CTNNA3: variants seen among roughly 807,000 people sequenced by gnomAD.
CTNNA3 encodes catenin alpha-3.
Under a neutral mutation model 95.7 loss-of-function variants are expected in CTNNA3, and 76 were observed. The ratio of observed to expected loss-of-function variants is 0.79; its 90% CI spans 0.66 to 0.96. The LOEUF (loss-of-function observed/expected upper bound fraction) is 0.96. CTNNA3 is among the 40% of genes least tolerant of loss of function. The pLI is 0.00. For synonymous variants in CTNNA3, 431 were observed against 374.4 expected, an observed-to-expected ratio of 1.15 and a Z score of -1.74; for missense variants, 1,191 against 1,089.8, an observed-to-expected ratio of 1.09 and a Z score of -1.31.
chr10:66,288,439 A>G (rs1038968800), intron 12 of CTNNA3, among the ~76,000 whole-genome samples: 1 of 152,098 alleles, frequency 6.6e-6, no homozygotes, highest in African/African-American at 2.4e-5. Flanking sequence ...GCAATAAATT[A>G]ATGAATGAAT....
chr10:67,170,572 A>G (rs1335249185), intron 7 of CTNNA3, among the ~76,000 whole-genome samples: 1 of 152,192 alleles, frequency 6.6e-6, no homozygotes, highest in African/African-American at 2.4e-5. Context: ...AATGACAAGA[A>G]CTTATAAACA....
intron 5 of CTNNA3, among the ~76,000 whole-genome samples, chr10:67,416,942 G>C (rs1024416303): frequency 6.6e-5 from 10 of 152,054 alleles, no homozygotes; most frequent in African/African-American, 2.4e-4. Flanking sequence ...TCCCACTACT[G>C]GGTATATATG....
At chr10:67,155,799 G>A (rs1861288261) in intron 7 of CTNNA3, among the ~76,000 whole-genome samples, 1 of 151,952 alleles carries the variant, frequency 6.6e-6, no homozygotes, top group African/African-American at 2.4e-5. Flanking sequence ...TCATCCCTAG[G>A]TCATTTGTTA....
chr10:66,484,144 A>G (rs1008663059), intron 11 of CTNNA3, among the ~76,000 whole-genome samples: 8 of 150,780 alleles, frequency 5.3e-5, no homozygotes, highest in Non-Finnish European at 1.0e-4. Flanking sequence ...AATGCAACCA[A>G]AGCTCCTGGA....
intron 9 of CTNNA3, among the ~76,000 whole-genome samples, chr10:66,721,143 G>A (rs1589167563): frequency 6.6e-6 from 1 of 152,300 alleles, no homozygotes; most frequent in South Asian, 2.1e-4. Context: ...TGAGAGTTCA[G>A]ATACTGCAGG....
intron 7 of CTNNA3, among the ~76,000 whole-genome samples, chr10:67,053,833 C>T (rs182355212): frequency 1.1e-3 from 173 of 152,182 alleles, no homozygotes; most frequent in South Asian, 5.8e-3. Flanking sequence ...AAACAAAATC[C>T]GAGGACCACA....
chr10:67,251,690 A>G (rs765128836), intron 5 of CTNNA3, among the ~76,000 whole-genome samples: 24 of 152,286 alleles, frequency 1.6e-4, no homozygotes, highest in Non-Finnish European at 3.2e-4. Flanking sequence ...AAAGCACTTA[A>G]AGAGGCCAGG....
At chr10:66,063,680 G>C in intron 15 of CTNNA3, among the ~76,000 whole-genome samples, 1 of 151,578 alleles carries the variant, frequency 6.6e-6, no homozygotes, top group Non-Finnish European at 1.5e-5. Flanking sequence ...TAATGCTATT[G>C]CTTTTTTATA....
At chr10:66,954,820 T>C (rs956338087) in intron 7 of CTNNA3, among the ~76,000 whole-genome samples, 2 of 152,162 alleles carry the variant, frequency 1.3e-5, no homozygotes, top group Non-Finnish European at 2.9e-5. Flanking sequence ...AGGCTGATTA[T>C]TATAGGCCTT....
chr10:66,788,774 C>T (rs1211111332), intron 7 of CTNNA3, among the ~76,000 whole-genome samples: 2 of 152,046 alleles, frequency 1.3e-5, no homozygotes, highest in Non-Finnish European at 2.9e-5. Context: ...ACCATACTGG[C>T]GAGCACTGAA....
chr10:67,541,960 T>A (rs1840696898), intron 3 of CTNNA3, among the ~76,000 whole-genome samples: 1 of 152,106 alleles, frequency 6.6e-6, no homozygotes, highest in Admixed American at 6.6e-5. Context: ...TATCAAAAAA[T>A]TATGTATTTT....
chr10:66,770,049 T>C (rs896623277), intron 8 of CTNNA3, among the ~76,000 whole-genome samples: 1 of 152,196 alleles, frequency 6.6e-6, no homozygotes, highest in South Asian at 2.1e-4. Flanking sequence ...AAACTACTCA[T>C]TGCTAATTAT....
chr10:67,739,156 T>G (rs1199193340), intron 1 of CTNNA3, among the ~76,000 whole-genome samples: 1 of 152,074 alleles, frequency 6.6e-6, no homozygotes, highest in Non-Finnish European at 1.5e-5. Flanking sequence ...TCACCAAAGT[T>G]GAAATGAAGG....
chr10:67,576,694 T>C (rs1448470881), intron 3 of CTNNA3, among the ~76,000 whole-genome samples: 126 of 112,520 alleles, frequency 1.1e-3, no homozygotes, highest in Middle Eastern at 4.3e-3. Flanking sequence ...CCTAATGCTA[T>C]CCCTCCCCCC....
chr10:66,154,168 C>T (rs2084353703), intron 13 of CTNNA3, among the ~76,000 whole-genome samples: 1 of 151,862 alleles, frequency 6.6e-6, no homozygotes, highest in African/African-American at 2.4e-5. Context: ...TATCCCCAAA[C>T]ATATCCAGCT....
intron 3 of CTNNA3, among the ~76,000 whole-genome samples, chr10:67,602,582 T>C (rs1426870583): frequency 6.6e-6 from 1 of 152,214 alleles, no homozygotes; most frequent in Non-Finnish European, 1.5e-5. Flanking sequence ...GTGAAGGATA[T>C]ACCCTGTACA....
intron 5 of CTNNA3, among the ~76,000 whole-genome samples, chr10:67,234,589 T>A (rs1865369190): frequency 6.6e-6 from 1 of 151,990 alleles, no homozygotes; most frequent in Non-Finnish European, 1.5e-5. Flanking sequence ...AGCATTCCCT[T>A]TGAAAACTGG....
chr10:66,372,749 GA>G (rs2092763512), intron 12 of CTNNA3, among the ~76,000 whole-genome samples: 1 of 152,156 alleles, frequency 6.6e-6, no homozygotes, highest in Admixed American at 6.6e-5. Context: ...AGGGAGACAG[GA>G]GAGAGAATGA....
chr10:67,332,893 G>A (rs567608550), intron 5 of CTNNA3, among the ~76,000 whole-genome samples: 48 of 152,206 alleles, frequency 3.2e-4, no homozygotes, highest in African/African-American at 1.1e-3. Context: ...GCTATAGCAC[G>A]TGAATGCCCC....
Sources: allele counts gnomAD v4.1 joint callset (sites outside exome capture counted in the v4.1 genomes callset), GRCh38; gene constraint gnomAD v4.1.1; transcripts MANE v1.5; gene names NCBI Gene and HGNC (gene_info 2026-07-23, HGNC 2026-07-21).